SH2D7: variants seen among roughly 807,000 people sequenced by gnomAD.
SH2D7 encodes the protein SH2 domain-containing protein 7.
SH2D7 carries 32 observed loss-of-function variants against 40.8 expected under a neutral mutation model. That is an observed-to-expected ratio of 0.78 (90% CI 0.59 to 1.05). The LOEUF (loss-of-function observed/expected upper bound fraction) is 1.05. Among genes scored for constraint, SH2D7 ranks in the 50% least tolerant of loss-of-function variants. SH2D7 has a pLI of 0.00. For synonymous variants in SH2D7, 195 were observed against 221.5 expected (o/e 0.88, Z 1.06); for missense variants, 559 against 566.6 (o/e 0.99, Z 0.14).
upstream of SH2D7, among the ~76,000 whole-genome samples, chr15:78,092,407 GC>G (rs1485462285): frequency 1.2e-4 from 19 of 152,172 alleles, no homozygotes; most frequent in Admixed American, 1.2e-3. Flanking sequence ...CAGCCAAGGT[GC>G]CCCACCCCAA....
At chr15:78,099,965 A>C (rs1374361390) in intron 4 of SH2D7, among the ~76,000 whole-genome samples, 1 of 152,122 alleles carries the variant, frequency 6.6e-6, no homozygotes, top group Admixed American at 6.6e-5. Context: ...CACCTACATG[A>C]CAGAAAATGT....
intron 5 of SH2D7, 117 bp from the exon 6 acceptor site, chr15:78,103,348 G>A (rs1379751643): frequency 8.7e-7 from 1 of 1,155,456 alleles, no homozygotes. Context: ...ATTCCAACCT[G>A]GCCTCATGTC....
At chr15:78,099,619 G>A (rs1414570121) in intron 4 of SH2D7, among the ~76,000 whole-genome samples, 3 of 151,998 alleles carry the variant, frequency 2.0e-5, no homozygotes, top group South Asian at 4.2e-4. Flanking sequence ...GAGCCACAGC[G>A]CTTGGCCGAA....
In SH2D7 at chr15:78,098,580, A is replaced by G; in HGVS notation, c.629A>G (p.Gln210Arg). 6.2e-7 allele frequency: 1 copy of G among 1,613,756 alleles called. No homozygotes were observed. The highest frequency in any genetic ancestry group is 8.5e-7 in the Non-Finnish European group (1 of 1,179,792). The change falls in exon 4 of 6, where the codon CAG (glutamine) becomes CGG (arginine). Residue 210 changes from glutamine to arginine, a missense_variant. By Grantham distance (43) the Gln-to-Arg change is conservative (BLOSUM62 1). Coordinates refer to ENST00000328828, the MANE Select transcript of SH2D7 (RefSeq NM_001101404.2). ...GATGTGAGTCCCCGGAACCTCTCCC[A>G]GGAGGAAAGCATGGAGGTGAGGAGC... ...SLDVSPRNLS[Q>R]EESMEAPIRV...
intron 4 of SH2D7, 95 bp from the exon 5 acceptor site, chr15:78,100,802 AAG>A (rs2074008742): frequency 7.2e-7 from 1 of 1,391,106 alleles, no homozygotes; most frequent in African/African-American, 1.4e-5. Context: ...GACTATAGCC[AAG>A]ACAGGGGGCC....
At chr15:78,097,258 G>A (rs942459405) in intron 2 of SH2D7, among the ~76,000 whole-genome samples, 1 of 152,202 alleles carries the variant, frequency 6.6e-6, no homozygotes, top group Non-Finnish European at 1.5e-5. Context: ...GGCTGGAAGG[G>A]TTTTGTATCT....
chr15:78,092,424 C>T (rs1052046195), upstream of SH2D7, among the ~76,000 whole-genome samples: 5 of 152,218 alleles, frequency 3.3e-5, no homozygotes, highest in Non-Finnish European at 7.3e-5. Context: ...CCCAAAGCAT[C>T]AGAGGAGAGA....
intron 2 of SH2D7, among the ~76,000 whole-genome samples, chr15:78,096,578 C>A (rs1801290860): frequency 2.0e-5 from 3 of 152,148 alleles, no homozygotes; most frequent in Admixed American, 2.0e-4. Flanking sequence ...CCACTGCAAC[C>A]TCCGCCTCCA....
At chr15:78,095,310 T>C (rs921993638) in intron 2 of SH2D7, among the ~76,000 whole-genome samples, 4 of 152,278 alleles carry the variant, frequency 2.6e-5, no homozygotes, top group African/African-American at 7.2e-5. Context: ...TTTTGAAATA[T>C]ACTAACTCAG....
At chr15:78,102,883 C>T (rs889480732) in intron 5 of SH2D7, among the ~76,000 whole-genome samples, 2 of 152,146 alleles carry the variant, frequency 1.3e-5, no homozygotes, top group East Asian at 1.9e-4. Flanking sequence ...CAGGCACACG[C>T]GGATCTTCCT....
At chr15:78,093,235 A>G (rs2073950464) in intron 1 of SH2D7, among the ~76,000 whole-genome samples, 1 of 152,178 alleles carries the variant, frequency 6.6e-6, no homozygotes, top group Non-Finnish European at 1.5e-5. Context: ...ACACCTGATG[A>G]AGGAATGGCA....
At chr15:78,099,427 C>T (rs546469996) in intron 4 of SH2D7, among the ~76,000 whole-genome samples, 74 of 152,124 alleles carry the variant, frequency 4.9e-4, no homozygotes, top group African/African-American at 1.3e-3. Flanking sequence ...ATTTCCCCTG[C>T]CTGCGCCTCC....
At chr15:78,091,329 A>C (rs1370054697), upstream of SH2D7, 1 of 152,236 alleles carries the variant, frequency 6.6e-6, no homozygotes, top group African/African-American at 2.4e-5. Context: ...ATGCCCCTTC[A>C]TTATCAACCA....
intron 2 of SH2D7, 129 bp from the exon 3 acceptor site, chr15:78,097,800 G>A: frequency 1.7e-6 from 2 of 1,192,344 alleles, no homozygotes; most frequent in Non-Finnish European, 2.3e-6. Context: ...GTGGCCCCAG[G>A]TCAGGCAGGT....
chr15:78,099,621 T>C (rs931693478), intron 4 of SH2D7, among the ~76,000 whole-genome samples: 5 of 152,008 alleles, frequency 3.3e-5, no homozygotes, highest in Non-Finnish European at 1.5e-5. Context: ...GCCACAGCGC[T>C]TGGCCGAAGG....
chr15:78,102,699 GAAGA>G (rs1163306244), intron 5 of SH2D7, among the ~76,000 whole-genome samples: 1 of 152,204 alleles, frequency 6.6e-6, no homozygotes, highest in East Asian at 1.9e-4. Flanking sequence ...GATAAGTAAG[GAAGA>G]GAGGGGACCA....
chr15:78,099,618 C>T (rs370268268), intron 4 of SH2D7, among the ~76,000 whole-genome samples: 4 of 152,042 alleles, frequency 2.6e-5, no homozygotes, highest in East Asian at 1.9e-4. Context: ...TGAGCCACAG[C>T]GCTTGGCCGA....
intron 2 of SH2D7, among the ~76,000 whole-genome samples, chr15:78,095,071 G>C (rs907742471): frequency 1.3e-5 from 2 of 152,180 alleles, no homozygotes; most frequent in Non-Finnish European, 2.9e-5. Context: ...GACTGCCCCA[G>C]TTCAAACCCT....
chr15:78,099,627 G>A (rs2867922), intron 4 of SH2D7, among the ~76,000 whole-genome samples: 32,849 of 151,610 alleles, frequency 0.22, 3,649 homozygotes, highest in Middle Eastern at 0.24. Context: ...GCGCTTGGCC[G>A]AAGGATTTTT....
Sources: allele counts gnomAD v4.1 joint callset (sites outside exome capture counted in the v4.1 genomes callset), GRCh38; gene constraint gnomAD v4.1.1; transcripts MANE v1.5; gene names NCBI Gene and HGNC (gene_info 2026-07-23, HGNC 2026-07-21).